The following ITPK1 variants were observed in gnomAD, a reference collection of about 807,000 sequenced individuals.
The protein encoded by ITPK1 is inositol-tetrakisphosphate 1-kinase, also known as inositol 1,3,4-trisphosphate 5/6-kinase.
In ITPK1, 21 loss-of-function variants were observed where a neutral mutation model predicts 45.3. The ratio of observed to expected loss-of-function variants is 0.46; its 90% confidence interval spans 0.33 to 0.67. ITPK1 has a LOEUF of 0.67. ITPK1 is among the 30% of genes least tolerant of loss of function. The probability of loss-of-function intolerance (pLI) is 0.02; values close to 1 mark genes in which losing one functional copy is unlikely to be tolerated. For missense variants in ITPK1, 474 were observed against 573.5 expected (o/e 0.83, Z 1.77); for synonymous variants, 258 against 253.6 (o/e 1.02, Z -0.16).
chr14:93,010,216 T>C (rs943842609), intron 4 of ITPK1, among the ~76,000 whole-genome samples: 1 of 152,192 alleles, frequency 6.6e-6, no homozygotes, highest in African/African-American at 2.4e-5. Flanking sequence ...TACGGTGTTA[T>C]TTATCCTCTG....
chr14:92,962,893 C>T (rs369880309), intron 5 of ITPK1, 44 bp from the exon 6 acceptor site: 21 of 1,412,388 alleles, frequency 1.5e-5, no homozygotes, highest in Middle Eastern at 1.8e-4. Flanking sequence ...CCTGGGCAGC[C>T]GCCCCAGGTG....
At chr14:92,972,988 T>C (rs1041738327) in intron 5 of ITPK1, among the ~76,000 whole-genome samples, 9 of 152,358 alleles carry the variant, frequency 5.9e-5, no homozygotes, top group Admixed American at 5.2e-4. Context: ...CCCCGTTCCA[T>C]GCCTCACTTG....
chr14:92,959,727 C>T (rs919932409), intron 7 of ITPK1, among the ~76,000 whole-genome samples: 8 of 151,966 alleles, frequency 5.3e-5, no homozygotes, highest in Non-Finnish European at 1.2e-4. Context: ...AAAAAAGATT[C>T]CACTGTGGAG....
chr14:93,112,614 AT>A (rs1470508595), intron 2 of ITPK1, among the ~76,000 whole-genome samples: 1 of 151,700 alleles, frequency 6.6e-6, no homozygotes, highest in Admixed American at 6.6e-5. Context: ...TAATTTTTGT[AT>A]TTTTAGTAGA....
chr14:93,049,077 C>G (rs1032627391), intron 3 of ITPK1, among the ~76,000 whole-genome samples: 2 of 152,196 alleles, frequency 1.3e-5, no homozygotes, highest in African/African-American at 4.8e-5. Flanking sequence ...ATCACTGCCA[C>G]CCAGAGGAAA....
intron 3 of ITPK1, among the ~76,000 whole-genome samples, chr14:93,017,657 G>A (rs565440832): frequency 6.6e-5 from 10 of 152,318 alleles, no homozygotes; most frequent in African/African-American, 2.2e-4. Flanking sequence ...AGGCAGCGGC[G>A]CCAGCCCGGC....
intron 9 of ITPK1, 132 bp from the exon 10 acceptor site, chr14:92,946,625 G>A (rs1185673442): frequency 1.1e-6 from 1 of 905,840 alleles, no homozygotes; most frequent in South Asian, 1.6e-5. Context: ...CAGACCTACT[G>A]TGGTGAGCAC....
At position 92,940,169 on chromosome 14, in the gene ITPK1, G is replaced by GACACTCAGC. The variant is rs1887289721; in HGVS notation, c.*1383_*1391dup. On this transcript the variant is annotated 3_prime_UTR_variant, in exon 11 of 11. Transcript: ENST00000267615. Reference sequence around the variant, plus strand: ...GCACTGGCTCGGGGGCCTCTCTCGGGACACTCAGCACTTTCTCTAGCGTCC... The same window carrying GACACTCAGC: ...GCACTGGCTCGGGGGCCTCTCTCGGGACACTCAGCACACTCAGCACTTTCTCTAGCGTCC... 1 of 985,640 alleles carries GACACTCAGC rather than the reference G, an allele frequency of 1.0e-6. No homozygotes were observed. Among genetic ancestry groups the GACACTCAGC allele is most frequent in the Admixed American group, 6.1e-5 (1 of 16,280 alleles). 61.1% of individuals were successfully genotyped at this position (985,640 alleles called of 1,614,324 possible). A position where few individuals can be genotyped will look rare whatever the true frequency, so the allele number is the denominator to read the frequency against.
chr14:93,031,522 C>T (rs550408201), intron 3 of ITPK1, among the ~76,000 whole-genome samples: 26 of 152,284 alleles, frequency 1.7e-4, no homozygotes, highest in East Asian at 9.6e-4. Flanking sequence ...CATGATGCTT[C>T]GAAGACAGCA....
At chr14:93,059,832 G>A (rs1175072512) in intron 3 of ITPK1, among the ~76,000 whole-genome samples, 1 of 130,072 alleles carries the variant, frequency 7.7e-6, no homozygotes, top group African/African-American at 3.0e-5. Flanking sequence ...GGGTGGAGGG[G>A]GTGAGGGTCC....
intron 3 of ITPK1, among the ~76,000 whole-genome samples, chr14:93,065,309 A>G (rs1890700174): frequency 6.6e-6 from 1 of 152,156 alleles, no homozygotes; most frequent in Non-Finnish European, 1.5e-5. Flanking sequence ...TCATCTACCC[A>G]TCGCATCATT....
chr14:92,993,941 T>C lies in ITPK1; in HGVS notation c.303A>G (p.Arg101=), dbSNP rs746198186. The C allele has an allele frequency of 6.2e-7, 1 of 1,613,910 alleles. No homozygotes were observed. Among genetic ancestry groups the C allele is most frequent in the Non-Finnish European group, 8.5e-7 (1 of 1,179,984 alleles). ...AGGACTTGGAGCGGTCAAGCAGGGT[T>C]CTGATGGCAGGGAGCGGGTCCAGGA... ...TIVLDPLPAI[R]TLLDRSKSYE... Residue 101 remains arginine (R), a synonymous_variant, in exon 5 of 11, where the codon AGA becomes AGG. Coordinates refer to ENST00000267615, the MANE Select transcript of ITPK1 (RefSeq NM_014216.6).
chr14:92,972,187 C>A (rs529223096), intron 5 of ITPK1, among the ~76,000 whole-genome samples: 1 of 152,230 alleles, frequency 6.6e-6, no homozygotes, highest in African/African-American at 2.4e-5. Context: ...CTTTCCAGGC[C>A]TCCGCAGCCT....
intron 3 of ITPK1, among the ~76,000 whole-genome samples, chr14:93,035,957 G>A (rs1311651841): frequency 6.6e-6 from 1 of 152,218 alleles, no homozygotes; most frequent in East Asian, 1.9e-4. Flanking sequence ...GTGCCAAGTG[G>A]CTGCCTCTTC....
At chr14:93,115,458 C>T (rs1339931045) in intron 1 of ITPK1, among the ~76,000 whole-genome samples, 153 bp from the exon 2 acceptor site, 1 of 148,726 alleles carries the variant, frequency 6.7e-6, no homozygotes, top group Non-Finnish European at 1.5e-5. Flanking sequence ...CTCGCGAGCG[C>T]CGCGCCGCCC....
Position 93,016,937 on chromosome 14 carries a change from G to A in ITPK1, c.121-136C>T. The A allele has an allele frequency of 1.7e-6, 2 of 1,146,084 alleles. No homozygotes were observed. The highest frequency in any genetic ancestry group is 2.5e-6 in the Non-Finnish European group (2 of 815,704). 71.0% of individuals were successfully genotyped at this position (1,146,084 alleles called of 1,614,324 possible). ...GTAGCACTCTGGAGATGGGGCAGGA[G>A]GAGGGCTGACATGGAAAATACAGAC... On this transcript the variant is annotated intron_variant, in intron 3 of 10. Coordinates refer to ENST00000267615, the MANE Select transcript of ITPK1 (RefSeq NM_014216.6). This position sits in a 1 kb window ranked among gnomAD's most constrained non-coding sequence, Gnocchi z 5.0.
At chr14:93,002,428 A>T (rs1887399834) in intron 4 of ITPK1, among the ~76,000 whole-genome samples, 1 of 152,194 alleles carries the variant, frequency 6.6e-6, no homozygotes, top group South Asian at 2.1e-4. Flanking sequence ...AGTGGCCAAG[A>T]TGGAGTCTGA....
chr14:92,973,807 C>T (rs1746885573), intron 5 of ITPK1, among the ~76,000 whole-genome samples: 1 of 152,214 alleles, frequency 6.6e-6, no homozygotes, highest in South Asian at 2.1e-4. Context: ...CCCCGGGATG[C>T]AAGCGACAGA....
chr14:93,046,547 C>T (rs541062603), intron 3 of ITPK1, among the ~76,000 whole-genome samples: 23 of 150,678 alleles, frequency 1.5e-4, no homozygotes, highest in Non-Finnish European at 3.1e-4. Context: ...GGCTTCAAGA[C>T]CTTCAGAAAA....
Sources: allele counts gnomAD v4.1 joint callset (sites outside exome capture counted in the v4.1 genomes callset), GRCh38; gene constraint gnomAD v4.1.1; non-coding constraint Gnocchi (gnomAD v3.1); transcripts MANE v1.5; gene names NCBI Gene and HGNC (gene_info 2026-07-23, HGNC 2026-07-21).